Variants in TUT4 observed in about 807,000 individuals in gnomAD.
TUT4 encodes terminal uridylyltransferase 4.
Under a neutral mutation model 192.2 loss-of-function variants are expected in TUT4, and 36 were observed. That is an observed-to-expected ratio of 0.19 (90% CI 0.14 to 0.25). TUT4 has a LOEUF of 0.25. Among genes scored for constraint, TUT4 ranks in the 10% least tolerant of loss-of-function variants. The probability of loss-of-function intolerance (pLI) is 1.00; values close to 1 mark genes in which losing one functional copy is unlikely to be tolerated. For synonymous variants in TUT4, 618 were observed against 666.0 expected, an observed-to-expected ratio of 0.93 and a Z score of 1.11; for missense variants, 1,493 against 1,957.2, an observed-to-expected ratio of 0.76 and a Z score of 4.47.
intron 27 of TUT4, chr1:52,434,960 C>T (rs542635250): frequency 8.3e-4 from 128 of 153,390 alleles, no homozygotes; most frequent in African/African-American, 2.9e-3. Flanking sequence ...ACAGAAGTTT[C>T]ATGCAAGCAA....
chr1:52,534,689 C>CA (rs756129485), intron 1 of TUT4, among the ~76,000 whole-genome samples: 1,036 of 85,388 alleles, frequency 0.012, 3 homozygotes, highest in African/African-American at 0.023. Context: ...CCTGTCTCTA[C>CA]AAAAAAAAAA....
intron 4 of TUT4, among the ~76,000 whole-genome samples, chr1:52,499,992 CCTGT>C (rs1557862298): frequency 6.6e-6 from 1 of 151,390 alleles, no homozygotes; most frequent in African/African-American, 2.4e-5. Flanking sequence ...GTGGTGCATG[CCTGT>C]CTGTAATCCC....
chr1:52,508,687 A>T (rs979141193), intron 4 of TUT4, among the ~76,000 whole-genome samples: 12 of 152,202 alleles, frequency 7.9e-5, no homozygotes, highest in African/African-American at 2.9e-4. Flanking sequence ...TATCCAACCC[A>T]GACTTGCTGA....
At chr1:52,530,182 T>G (rs1682973786) in intron 1 of TUT4, among the ~76,000 whole-genome samples, 2 of 148,930 alleles carry the variant, frequency 1.3e-5, no homozygotes, top group Non-Finnish European at 3.0e-5. Context: ...TACATTTAAA[T>G]TACTAATAGG....
Position 52,477,872 on chromosome 1 carries a change from G to T in TUT4, c.1859C>A (p.Ala620Glu). 1 of 1,584,066 alleles carries T rather than the reference G, an allele frequency of 6.3e-7. No individual in the cohort carries two copies. Among genetic ancestry groups the T allele is most frequent in the Non-Finnish European group, 8.5e-7 (1 of 1,170,352 alleles). The change falls in exon 12 of 30, where the codon GCA (alanine) becomes GAA (glutamate). Residue 620 changes from alanine (A) to glutamate (E), a missense_variant. Transcript: ENST00000257177. ...MKEKHGKSPL[A>E]LETPNRVSLG... ...GGATACCCGATTTGGTGTTTCCAAT[G>T]CTAAAGGAGACTGGAAAAGAAAAAA... is the stretch of plus-strand genomic sequence containing the variant.
chr1:52,490,969 G>C (rs1276870854), intron 7 of TUT4, among the ~76,000 whole-genome samples, 168 bp from the exon 8 acceptor site: 4 of 151,970 alleles, frequency 2.6e-5, no homozygotes, highest in Non-Finnish European at 5.9e-5. Flanking sequence ...TACCTCTCCT[G>C]GTGTCATTTG....
intron 1 of TUT4, among the ~76,000 whole-genome samples, chr1:52,543,725 C>A (rs1370986300): frequency 1.3e-5 from 2 of 151,866 alleles, no homozygotes; most frequent in Non-Finnish European, 1.5e-5. Flanking sequence ...CTCAGGTAAT[C>A]CACCAGCCTC....
intron 4 of TUT4, among the ~76,000 whole-genome samples, chr1:52,502,198 C>A (rs868437006): frequency 1.2e-4 from 18 of 150,784 alleles, no homozygotes; most frequent in African/African-American, 4.4e-4. Flanking sequence ...ATGTTCTTAA[C>A]ATGGAATATA....
chr1:52,545,302 G>A (rs943902368), intron 1 of TUT4, among the ~76,000 whole-genome samples: 8 of 151,778 alleles, frequency 5.3e-5, no homozygotes, highest in African/African-American at 1.7e-4. Context: ...GCTTGAGCCT[G>A]GGAGCTGGAG....
intron 20 of TUT4, among the ~76,000 whole-genome samples, chr1:52,456,116 A>T (rs1161276629): frequency 6.6e-6 from 1 of 152,178 alleles, no homozygotes; most frequent in Admixed American, 6.5e-5. Flanking sequence ...CTAAAAAGAA[A>T]TGATAGGCCA....
At chr1:52,435,653 T>A (rs538862927) in intron 26 of TUT4, among the ~76,000 whole-genome samples, 188 bp from the exon 27 acceptor site, 2 of 152,236 alleles carry the variant, frequency 1.3e-5, no homozygotes, top group African/African-American at 4.8e-5. Context: ...TAAAAGCTAT[T>A]TGTCAAACTA....
chr1:52,424,180 T>A, intron 29 of TUT4, 178 bp from the exon 30 acceptor site: 1 of 610,744 alleles, frequency 1.6e-6, no homozygotes, highest in Non-Finnish European at 2.8e-6. Flanking sequence ...AGGAAATACC[T>A]GTATGTGAAA....
intron 1 of TUT4, among the ~76,000 whole-genome samples, chr1:52,535,866 T>C (rs1684764662): frequency 6.6e-6 from 1 of 152,086 alleles, no homozygotes; most frequent in South Asian, 2.1e-4. Flanking sequence ...ATATTTGAAG[T>C]CCTAAAAGAA....
intron 2 of TUT4, 143 bp downstream of exon 2, chr1:52,525,420 T>C (rs1453455525): frequency 1.8e-6 from 2 of 1,107,488 alleles, no homozygotes; most frequent in Non-Finnish European, 2.5e-6. Flanking sequence ...TTAATGCAAG[T>C]ATTATTAATG....
At chr1:52,478,304 G>A (rs534761654) in intron 11 of TUT4, among the ~76,000 whole-genome samples, 7 of 152,216 alleles carry the variant, frequency 4.6e-5, no homozygotes, top group South Asian at 4.1e-4. Context: ...ACTACAACTC[G>A]TTTTTCCAAT....
intron 4 of TUT4, among the ~76,000 whole-genome samples, chr1:52,507,015 G>A (rs142148708): frequency 2.0e-5 from 3 of 152,210 alleles, no homozygotes; most frequent in African/African-American, 7.2e-5. Flanking sequence ...TTAGTTTAGG[G>A]CTAAATATCC....
chr1:52,524,031 T>G lies in TUT4; in HGVS notation c.718+1532A>C, dbSNP rs549290478. Among the ~76,000 whole-genome samples, 5 of 152,266 alleles carry G rather than the reference T, an allele frequency of 3.3e-5. No individual in the cohort carries two copies. In the East Asian group the frequency reaches 9.6e-4, roughly 29 times the overall value. On this transcript the variant is annotated intron_variant, in intron 2 of 29. Transcript: ENST00000257177. The stretch of plus-strand genomic sequence containing the variant: ...TATTTAATTTAAACAAAATCAGGAT[T>G]AAAGTTACTCAAAAGACATAGACAA...
At chr1:52,427,290 A>C (rs1002543852) in intron 28 of TUT4, among the ~76,000 whole-genome samples, 1 of 152,124 alleles carries the variant, frequency 6.6e-6, no homozygotes, top group Admixed American at 6.6e-5. Context: ...CCAAGCTTTG[A>C]GGCAGCACAG....
At chr1:52,483,896 G>A (rs1487972323) in intron 9 of TUT4, among the ~76,000 whole-genome samples, 1 of 152,090 alleles carries the variant, frequency 6.6e-6, no homozygotes, top group Non-Finnish European at 1.5e-5. Flanking sequence ...AGCTGATGTA[G>A]TCCCAGCTAG....
Sources: gnomAD v4.1 joint callset for allele counts (sites outside exome capture counted in the v4.1 genomes callset) on GRCh38, gnomAD v4.1.1 for gene constraint, MANE v1.5 for transcripts, NCBI Gene and HGNC (gene_info 2026-07-23, HGNC 2026-07-21) for gene names.